Variants in CTBP2 observed in about 807,000 individuals in gnomAD.
CTBP2 encodes the protein C-terminal binding protein 2.
In CTBP2, 30 loss-of-function variants were observed where a neutral mutation model predicts 80.3. The observed-to-expected ratio is 0.37, with a 90% confidence interval of 0.28 to 0.51. CTBP2 has a LOEUF of 0.51. Ranked by LOEUF, CTBP2 falls within the 20% of genes least tolerant of loss-of-function variation. CTBP2 has a pLI of 0.93. For synonymous variants in CTBP2, 594 were observed against 587.4 expected (o/e 1.01, Z -0.16); for missense variants, 1,212 against 1,375.3 (o/e 0.88, Z 1.88).
At position 124,994,594 on chromosome 10, in the gene CTBP2, G is replaced by T. The variant is rs776579088; in HGVS notation, c.2275C>A (p.Arg759=). 3.1e-6 allele frequency: 5 copies of T among 1,614,026 alleles called. No individual in the cohort carries two copies. In the South Asian group the frequency reaches 5.5e-5, roughly 18 times the overall value. ...TAGACCCTCTGCACGCCCAGGGACC[G>T]CTCGATCCCATCCTGCAAGTAGGGG... is the stretch of plus-strand genomic sequence containing the variant. The change falls in exon 5 of 9, where the codon CGG becomes AGG. Residue 759 remains arginine (R), a synonymous_variant. Transcript: ENST00000309035.
rs180796518 is a variant in CTBP2 at position 125,096,910 on chromosome 10, G to A, written c.-102+14080C>T. Among the ~76,000 whole-genome samples the A allele has an allele frequency of 2.6e-5, 4 of 152,224 alleles. No individual in the cohort carries two copies. In the South Asian group the frequency reaches 6.2e-4, roughly 24 times the overall value. ...CATGAATTATTGGAACTGTAGCAGC[G>A]AATTAACTCTATTCATCAACTAAGT... On this transcript the variant is annotated intron_variant, in intron 2 of 10. Transcript: ENST00000337195.
intron 2 of CTBP2, among the ~76,000 whole-genome samples, chr10:125,052,839 G>T (rs1963089715): frequency 6.6e-6 from 1 of 152,180 alleles, no homozygotes; most frequent in Non-Finnish European, 1.5e-5. Flanking sequence ...GCTGGAATTG[G>T]GCGCTTGGAT....
chr10:125,055,075 A>C (rs1227822213), intron 2 of CTBP2, among the ~76,000 whole-genome samples: 2 of 152,198 alleles, frequency 1.3e-5, no homozygotes, highest in Non-Finnish European at 2.9e-5. Flanking sequence ...GATCTATCAG[A>C]GCCTGGGCCC....
chr10:125,039,952 T>G (rs1244786509), intron 2 of CTBP2, among the ~76,000 whole-genome samples: 1 of 152,126 alleles, frequency 6.6e-6, no homozygotes, highest in Non-Finnish European at 1.5e-5. Context: ...GTTTGGGGTA[T>G]GTGGGATTCT....
chr10:125,092,968 A>G (rs1194909524), intron 2 of CTBP2, among the ~76,000 whole-genome samples: 1 of 152,106 alleles, frequency 6.6e-6, no homozygotes, highest in Non-Finnish European at 1.5e-5. Flanking sequence ...GGCCCATCTC[A>G]GGACCCAACA....
chr10:125,015,494 C>T (rs1157003510), intron 1 of CTBP2, among the ~76,000 whole-genome samples: 1 of 152,206 alleles, frequency 6.6e-6, no homozygotes, highest in Non-Finnish European at 1.5e-5. Flanking sequence ...TCCCCTGCCT[C>T]GCTGGGGCCA....
Position 124,986,987 on chromosome 10 carries a change from A to G in CTBP2, c.*2531T>C, listed in dbSNP as rs1024176718. On this transcript the variant is annotated 3_prime_UTR_variant, in exon 9 of 9. Transcript: ENST00000309035. ...TCTATTATTTATTTATTTATTATCAATCAGTGACCCTGACCACATAGTGTG... is the reference window on the plus strand; with the variant it reads ...TCTATTATTTATTTATTTATTATCAGTCAGTGACCCTGACCACATAGTGTG... 14 of 150,274 alleles carry G rather than the reference A, an allele frequency of 9.3e-5. No individual in the cohort carries two copies. The highest frequency in any genetic ancestry group is 2.6e-4 in the Admixed American group (4 of 15,160). 9.3% of individuals were successfully genotyped at this position (150,274 alleles called of 1,614,324 possible).
chr10:125,002,216 A>C (rs1423357789), intron 3 of CTBP2, among the ~76,000 whole-genome samples: 1 of 152,222 alleles, frequency 6.6e-6, no homozygotes, highest in South Asian at 2.1e-4. Flanking sequence ...AACACAGAGC[A>C]AGCACAGTGC....
At chr10:125,134,198 T>G (rs909244993) in intron 1 of CTBP2, among the ~76,000 whole-genome samples, 1 of 152,212 alleles carries the variant, frequency 6.6e-6, no homozygotes, top group Non-Finnish European at 1.5e-5. Context: ...ACAGCCAACA[T>G]GACCAACATC....
At chr10:125,102,759 G>A (rs1564924295) in intron 2 of CTBP2, among the ~76,000 whole-genome samples, 1 of 152,214 alleles carries the variant, frequency 6.6e-6, no homozygotes, top group Non-Finnish European at 1.5e-5. Context: ...GGCCTCTGAA[G>A]GTGAGCAAAG....
intron 1 of CTBP2, among the ~76,000 whole-genome samples, chr10:125,011,533 G>A (rs1204489857): frequency 6.6e-6 from 1 of 152,206 alleles, no homozygotes; most frequent in Non-Finnish European, 1.5e-5. Flanking sequence ...AAGAGCATGT[G>A]TGGTATCTTC....
At chr10:125,025,963 T>A in intron 1 of CTBP2, 1 of 857,714 alleles carries the variant, frequency 1.2e-6, no homozygotes, top group Non-Finnish European at 1.6e-6. Context: ...TGTTTGGTGG[T>A]GTGTGTGTGT....
chr10:125,155,402 CCT>C (rs1491153583), intron 1 of CTBP2, among the ~76,000 whole-genome samples: 1 of 150,410 alleles, frequency 6.6e-6, no homozygotes, highest in Non-Finnish European at 1.5e-5. Flanking sequence ...GTGAATCCCC[CCT>C]TTTTTTTTTT....
chr10:125,118,080 C>A (rs1381339770), intron 1 of CTBP2, among the ~76,000 whole-genome samples: 1 of 152,202 alleles, frequency 6.6e-6, no homozygotes, highest in African/African-American at 2.4e-5. Context: ...AGAAGGCCAA[C>A]CAGTGGAAAA....
chr10:125,156,402 A>G (rs967725578), intron 1 of CTBP2, among the ~76,000 whole-genome samples: 1 of 152,236 alleles, frequency 6.6e-6, no homozygotes, highest in Non-Finnish European at 1.5e-5. Flanking sequence ...TAAACTCTTT[A>G]AATTTTTTCC....
At chr10:125,000,038 C>CGGGT (rs1954238447) in intron 3 of CTBP2, 1 of 152,262 alleles carries the variant, frequency 6.6e-6, no homozygotes, top group Non-Finnish European at 1.5e-5. Context: ...TAAAGGCACC[C>CGGGT]GGGTGGGTGG....
At chr10:125,083,843 C>T (rs918771170) in intron 2 of CTBP2, among the ~76,000 whole-genome samples, 4 of 152,092 alleles carry the variant, frequency 2.6e-5, no homozygotes, top group South Asian at 2.1e-4. Flanking sequence ...TGCAGTGGTG[C>T]GATCTGGGCT....
At position 125,055,428 on chromosome 10, in the gene CTBP2, G is replaced by A. The variant is rs550443927; in HGVS notation, c.-101-16273C>T. Among the ~76,000 whole-genome samples, 302 of 152,276 alleles carry A rather than the reference G, an allele frequency of 2.0e-3. 1 individual carries two copies. Among genetic ancestry groups the A allele is most frequent in the Non-Finnish European group, 3.5e-3 (238 of 68,012 alleles). On this transcript the variant is annotated intron_variant, in intron 2 of 10. Coordinates refer to the CTBP2 transcript ENST00000337195. ...GCCCTGGATGATTTCCTAGGATCAC[G>A]GCATTTCTGGAGCCTTCTGAGATTG...
chr10:125,088,578 G>A (rs1309968061), intron 2 of CTBP2, among the ~76,000 whole-genome samples: 1 of 152,004 alleles, frequency 6.6e-6, no homozygotes, highest in Non-Finnish European at 1.5e-5. Flanking sequence ...AAATCACCCC[G>A]GATAACCTCA....
Sources: allele counts gnomAD v4.1 joint callset (sites outside exome capture counted in the v4.1 genomes callset), GRCh38; gene constraint gnomAD v4.1.1; transcripts MANE v1.5; gene names NCBI Gene and HGNC (gene_info 2026-07-23, HGNC 2026-07-21).